Variants in ARHGAP21 observed in about 807,000 individuals in gnomAD.
ARHGAP21 encodes the protein rho GTPase-activating protein 21.
A neutral mutation model predicts 164.6 loss-of-function variants in ARHGAP21; 38 were observed. The ratio of observed to expected loss-of-function variants is 0.23; its 90% confidence interval spans 0.18 to 0.30. The LOEUF is 0.30. ARHGAP21 is among the 10% of genes least tolerant of loss of function. The pLI, the probability that ARHGAP21 is intolerant of heterozygous loss-of-function variation, is 1.00. For missense variants in ARHGAP21, 1,822 were observed against 2,370.7 expected (o/e 0.77, Z 4.81); for synonymous variants, 766 against 857.9 (o/e 0.89, Z 1.87).
At chr10:24,637,932 T>C (rs1446370377) in intron 4 of ARHGAP21, among the ~76,000 whole-genome samples, 2 of 151,806 alleles carry the variant, frequency 1.3e-5, no homozygotes, top group Non-Finnish European at 2.9e-5. Context: ...TGGTGTGATC[T>C]TGGCTCACTG....
intron 2 of ARHGAP21, among the ~76,000 whole-genome samples, chr10:24,690,449 T>C (rs1404015149): frequency 1.3e-5 from 2 of 152,208 alleles, no homozygotes; most frequent in African/African-American, 4.8e-5. Flanking sequence ...TTCTTAATGT[T>C]TTAATTTTTT....
In ARHGAP21 at chr10:24,585,582, T is replaced by C; in HGVS notation, c.4707A>G (p.Pro1569=). ...ARFSMKKSTS[P]ETKHSEFLAN... ...CCAAAAACTCGCTATGTTTCGTTTCTGGACTGGTTGATTTCTTCATGGAAA... is the reference window on the plus strand; with the variant it reads ...CCAAAAACTCGCTATGTTTCGTTTCCGGACTGGTTGATTTCTTCATGGAAA... Residue 1569 remains proline (P), a synonymous_variant, in exon 26 of 26, where the codon CCA becomes CCG. Coordinates refer to ENST00000396432, the MANE Select transcript of ARHGAP21 (RefSeq NM_020824.4). The C allele has an allele frequency of 1.9e-6, 3 of 1,614,220 alleles. No homozygotes were observed. Among genetic ancestry groups the C allele is most frequent in the Non-Finnish European group, 2.5e-6 (3 of 1,180,036 alleles).
At position 24,584,529 on chromosome 10, in the gene ARHGAP21, T is replaced by TTGGTCAGG. The variant is rs1348972227; in HGVS notation, c.5752_5759dup (p.Gln1920HisfsTer5). On this transcript the variant is annotated frameshift_variant, in exon 26 of 26. Coordinates refer to ENST00000396432, the MANE Select transcript of ARHGAP21 (RefSeq NM_020824.4). LOFTEE classifies it low-confidence loss of function (END_TRUNC). ...CGTTCTGGAAGCTTTCTCCGTTTATTTGGTCAGGTGACTGTGGTGGTATGG... is the reference window on the plus strand; with the variant it reads ...CGTTCTGGAAGCTTTCTCCGTTTATTTGGTCAGGTGGTCAGGTGACTGTGGTGGTATGG... 2 of 1,613,866 alleles carry TTGGTCAGG rather than the reference T, an allele frequency of 1.2e-6. No individual in the cohort carries two copies. Among genetic ancestry groups the TTGGTCAGG allele is most frequent in the Non-Finnish European group, 1.7e-6 (2 of 1,179,876 alleles).
rs1296731680 is a variant in ARHGAP21, at chr10:24,602,077, T to C, written c.2748A>G (p.Glu916=). The C allele has an allele frequency of 6.2e-7, 1 of 1,613,550 alleles. No individual in the cohort carries two copies. The highest frequency in any genetic ancestry group is 8.5e-7 in the Non-Finnish European group (1 of 1,179,894). Residue 916 remains glutamate (E), a synonymous_variant, in exon 13 of 26, where the codon GAA becomes GAG. Coordinates refer to ENST00000396432, the MANE Select transcript of ARHGAP21 (RefSeq NM_020824.4). ...IKIADSQKSS[E]DSGSRKDSSS... ...AAGAATCTTTTCTGGACCCAGAGTC[T>C]TCTGATGACTTTTGGCTGTCTGCGA...
At position 24,620,507 on chromosome 10, in the gene ARHGAP21, A is replaced by C; in HGVS notation, c.1388T>G (p.Leu463Arg). 1 of 1,611,428 alleles carries C rather than the reference A, an allele frequency of 6.2e-7. No individual in the cohort carries two copies. Among genetic ancestry groups the C allele is most frequent in the Non-Finnish European group, 8.5e-7 (1 of 1,178,228 alleles). The change falls in exon 9 of 26, where the codon CTG (leucine) becomes CGG (arginine). Residue 463 changes from leucine to arginine, a missense_variant. Physicochemically the swap from Leu to Arg is moderately radical, Grantham distance 102. Transcript: ENST00000396432. The stretch of plus-strand genomic sequence containing the variant: ...ATACTTCATTAGCACAGAATCTTCC[A>C]GTCTTTCTTGGGACACACTGCGTTG... ...IRQRSVSQER[L>R]EDSVLMKYCP...
chr10:24,611,154 G>A (rs374569590), intron 9 of ARHGAP21, among the ~76,000 whole-genome samples: 1 of 152,158 alleles, frequency 6.6e-6, no homozygotes, highest in African/African-American at 2.4e-5. Flanking sequence ...CATGATCTAG[G>A]CCTGACCAAC....
chr10:24,646,794 T>C (rs1467141771), intron 4 of ARHGAP21, among the ~76,000 whole-genome samples: 1 of 152,190 alleles, frequency 6.6e-6, no homozygotes, highest in African/African-American at 2.4e-5. Flanking sequence ...ATTTGATCAT[T>C]ATACAATGCA....
At chr10:24,640,279 T>C (rs1028112320) in intron 4 of ARHGAP21, 3 of 150,932 alleles carry the variant, frequency 2.0e-5, no homozygotes, top group South Asian at 2.1e-4. Flanking sequence ...TCAGGTGCTA[T>C]AGGCTTTAAA....
chr10:24,585,066 C>T lies in ARHGAP21; in HGVS notation c.5223G>A (p.Lys1741=), dbSNP rs2076045140. 4 of 1,613,702 alleles carry T rather than the reference C, an allele frequency of 2.5e-6. No homozygotes were observed. Among genetic ancestry groups the T allele is most frequent in the Admixed American group, 1.7e-5 (1 of 59,934 alleles). Reference sequence around the variant, plus strand: ...TGGGTGTCAGTAAACTCCCAGTTGACTTTCCTTTTTTCATAACATCAAACA... The same window carrying T: ...TGGGTGTCAGTAAACTCCCAGTTGATTTTCCTTTTTTCATAACATCAAACA... The part of the protein sequence containing the change: ...TKVFDVMKKG[K]STGSLLTPTR... Residue 1741 remains lysine (K), a synonymous_variant, in exon 26 of 26, where the codon AAG becomes AAA. Transcript: ENST00000396432.
chr10:24,655,022 G>C (rs1217051842), intron 4 of ARHGAP21, among the ~76,000 whole-genome samples: 1 of 152,192 alleles, frequency 6.6e-6, no homozygotes, highest in South Asian at 2.1e-4. Context: ...AATGGGGAAA[G>C]GATTCCCTAT....
chr10:24,635,125 CATG>C, intron 4 of ARHGAP21, 22 bp from the exon 5 acceptor site: 1 of 1,489,224 alleles, frequency 6.7e-7, no homozygotes, highest in Non-Finnish European at 9.2e-7. Context: ...AAGCCCAAAG[CATG>C]ATTTTACTTC....
intron 4 of ARHGAP21, among the ~76,000 whole-genome samples, chr10:24,650,402 G>A (rs1460963126): frequency 1.3e-5 from 2 of 151,978 alleles, no homozygotes; most frequent in African/African-American, 4.8e-5. Flanking sequence ...AGGAGATAAT[G>A]GAGTTAAAAT....
intron 2 of ARHGAP21, among the ~76,000 whole-genome samples, chr10:24,690,731 G>C (rs1842685872): frequency 6.6e-6 from 1 of 151,848 alleles, no homozygotes; most frequent in African/African-American, 2.4e-5. Context: ...AGGACGCTGA[G>C]GCAAAAGAAT....
At chr10:24,641,968 C>G (rs1279948996) in intron 4 of ARHGAP21, among the ~76,000 whole-genome samples, 1 of 150,952 alleles carries the variant, frequency 6.6e-6, no homozygotes, top group Admixed American at 6.6e-5. Flanking sequence ...TGCACTCCAG[C>G]CTGGGTGACA....
At chr10:24,641,340 A>G (rs1353579757) in intron 4 of ARHGAP21, among the ~76,000 whole-genome samples, 1 of 152,192 alleles carries the variant, frequency 6.6e-6, no homozygotes, top group East Asian at 1.9e-4. Context: ...AAGATGTGCC[A>G]ACTTATTAAA....
intron 23 of ARHGAP21, 44 bp from the exon 24 acceptor site, chr10:24,591,374 T>A: frequency 6.7e-7 from 1 of 1,495,296 alleles, no homozygotes; most frequent in Non-Finnish European, 9.2e-7. Context: ...TCTTCAAAGA[T>A]ACTTTCTTTA....
Position 24,635,054 on chromosome 10 carries a change from T to C in ARHGAP21, c.318A>G (p.Gln106=). 12 of 1,603,722 alleles carry C rather than the reference T, an allele frequency of 7.5e-6. No individual in the cohort carries two copies. The highest frequency in any genetic ancestry group is 1.0e-5 in the Non-Finnish European group (12 of 1,176,042). ...LEPMDTIFVK[Q]VKEGGPAFEA... ...CAAAAGCAGGTCCTCCTTCTTTAAC[T>C]TGCTTAACAAATATGGTATCCATTG... The change falls in exon 5 of 26, where the codon CAA becomes CAG. Residue 106 remains glutamine, a synonymous_variant. Transcript: ENST00000396432.
At chr10:24,671,858 G>C (rs932773626) in intron 2 of ARHGAP21, among the ~76,000 whole-genome samples, 8 of 150,572 alleles carry the variant, frequency 5.3e-5, no homozygotes, top group African/African-American at 1.7e-4. Context: ...AGGTAGATGG[G>C]ACTACAGGTG....
chr10:24,608,074 C>T (rs577757957), intron 9 of ARHGAP21, among the ~76,000 whole-genome samples, 171 bp from the exon 10 acceptor site: 1 of 152,188 alleles, frequency 6.6e-6, no homozygotes, highest in Admixed American at 6.5e-5. Flanking sequence ...ACAGTTATTA[C>T]TCTAGTAATT....
Sources: allele counts gnomAD v4.1 joint callset (sites outside exome capture counted in the v4.1 genomes callset), GRCh38; gene constraint gnomAD v4.1.1; transcripts MANE v1.5; gene names NCBI Gene and HGNC (gene_info 2026-07-23, HGNC 2026-07-21).